TSPAN7: variants seen among roughly 807,000 people sequenced by gnomAD.
TSPAN7 encodes the protein tetraspanin 7, also known as tetraspanin-7.
Under a neutral mutation model 17.6 loss-of-function variants are expected in TSPAN7, and 1 was observed. The observed-to-expected ratio is 0.06, with a 90% CI of 0.02 to 0.27. The LOEUF (loss-of-function observed/expected upper bound fraction) is 0.27. Among genes scored for constraint, TSPAN7 ranks in the 10% least tolerant of loss-of-function variants. The pLI is 1.00. For synonymous variants in TSPAN7, 78 were observed against 79.0 expected, an observed-to-expected ratio of 0.99 and a Z score of 0.07; for missense variants, 112 against 201.7, an observed-to-expected ratio of 0.56 and a Z score of 2.69.
intron 1 of TSPAN7, among the ~76,000 whole-genome samples, chrX:38,615,471 A>G (rs985157468): frequency 1.4e-4 from 16 of 111,694 alleles, no homozygotes; most frequent in African/African-American, 5.2e-4. Context: ...CTTTTCATTT[A>G]AAGGGATTGA....
chrX:38,637,794 T>TG (rs1475815200), intron 1 of TSPAN7, among the ~76,000 whole-genome samples: 1 of 112,768 alleles, frequency 8.9e-6, no homozygotes, highest in Non-Finnish European at 1.9e-5. Context: ...GAAGTGCCTC[T>TG]GGTGTACTTG....
At chrX:38,661,160 T>C (rs951640270) in intron 1 of TSPAN7, among the ~76,000 whole-genome samples, 1 of 112,322 alleles carries the variant, frequency 8.9e-6, no homozygotes, top group African/African-American at 3.2e-5. Context: ...CAGGTTGACC[T>C]GGCAAGAGCA....
chrX:38,652,070 G>T (rs919930845), intron 1 of TSPAN7, among the ~76,000 whole-genome samples: 2 of 111,572 alleles, frequency 1.8e-5, no homozygotes, highest in African/African-American at 6.5e-5. Context: ...TTTCATTGCA[G>T]CCCCATTACA....
chrX:38,668,599 T>C (rs979434751), intron 2 of TSPAN7, among the ~76,000 whole-genome samples: 3 of 112,321 alleles, frequency 2.7e-5, no homozygotes, highest in African/African-American at 9.7e-5. Flanking sequence ...ATCCTCTAGA[T>C]TCATTCATGT....
chrX:38,561,641 C>T lies in TSPAN7; in HGVS notation c.81+14C>T. 1 of 1,190,938 alleles carries T rather than the reference C, an allele frequency of 8.4e-7. No individual in the cohort carries two copies. The highest frequency in any genetic ancestry group is 2.3e-4 in the Middle Eastern group (1 of 4,291). ...TTCGTCTTCTGGGTAAGTGCCCACGCCGGGCCGGTGGCCGAGTCGCTGTCC... is the reference window on the plus strand; with the variant it reads ...TTCGTCTTCTGGGTAAGTGCCCACGTCGGGCCGGTGGCCGAGTCGCTGTCC... On this transcript the variant is annotated intron_variant, in intron 1 of 7. Transcript: ENST00000378482.
intron 2 of TSPAN7, among the ~76,000 whole-genome samples, chrX:38,669,575 C>T (rs944752201): frequency 2.7e-5 from 3 of 112,162 alleles, no homozygotes; most frequent in Admixed American, 9.4e-5. Context: ...GTAGGTAAAA[C>T]GGCCACTCTC....
chrX:38,568,932 GTTCT>G (rs996428204), intron 1 of TSPAN7, among the ~76,000 whole-genome samples: 1 of 110,938 alleles, frequency 9.0e-6, no homozygotes, highest in Non-Finnish European at 1.9e-5. Flanking sequence ...AGGTCTGAAT[GTTCT>G]TTTTTTCTAG....
At chrX:38,653,635 C>T (rs1485651834) in intron 1 of TSPAN7, among the ~76,000 whole-genome samples, 1 of 112,490 alleles carries the variant, frequency 8.9e-6, no homozygotes, top group Non-Finnish European at 1.9e-5. Context: ...TTCTGGTTCA[C>T]GTCGACATAC....
At chrX:38,570,818 A>T (rs1311610628) in intron 1 of TSPAN7, 1 of 111,721 alleles carries the variant, frequency 9.0e-6, no homozygotes, top group Non-Finnish European at 1.9e-5. Context: ...AATGATTTTC[A>T]TTCTTGGCTG....
At chrX:38,616,919 C>T (rs192242494) in intron 1 of TSPAN7, among the ~76,000 whole-genome samples, 1 of 112,180 alleles carries the variant, frequency 8.9e-6, no homozygotes, top group Admixed American at 9.4e-5. Context: ...AATCACCTTC[C>T]AGTGACTCTA....
chrX:38,626,782 G>C (rs751909329), intron 1 of TSPAN7, among the ~76,000 whole-genome samples: 1 of 111,883 alleles, frequency 8.9e-6, no homozygotes, highest in East Asian at 2.8e-4. Flanking sequence ...ATCCTAGAGA[G>C]CATTCAATAA....
chrX:38,650,670 C>G (rs375873746), intron 1 of TSPAN7, among the ~76,000 whole-genome samples: 2 of 112,392 alleles, frequency 1.8e-5, no homozygotes, highest in African/African-American at 6.5e-5. Context: ...TGCTGAGAAG[C>G]CTTAGCTTTC....
intron 1 of TSPAN7, among the ~76,000 whole-genome samples, chrX:38,579,026 GT>G (rs1475449250): frequency 8.9e-6 from 1 of 111,755 alleles, no homozygotes; most frequent in East Asian, 2.8e-4. Flanking sequence ...GTTAACAGCT[GT>G]GGTTGGGTGA....
intron 1 of TSPAN7, among the ~76,000 whole-genome samples, chrX:38,614,267 T>A (rs2147419340): frequency 8.9e-6 from 1 of 112,137 alleles, no homozygotes; most frequent in Admixed American, 9.5e-5. Context: ...CTTCTGACCA[T>A]TTATGGAACA....
chrX:38,647,745 T>C (rs984310670), intron 1 of TSPAN7, among the ~76,000 whole-genome samples: 20 of 94,953 alleles, frequency 2.1e-4, no homozygotes, highest in Non-Finnish European at 1.8e-4. Context: ...ATGGTTTGAT[T>C]ATGGAAGAGT....
intron 1 of TSPAN7, among the ~76,000 whole-genome samples, chrX:38,630,960 T>C (rs2069547226): frequency 8.9e-6 from 1 of 112,440 alleles, no homozygotes; most frequent in African/African-American, 3.2e-5. Context: ...ATACATTTCT[T>C]TGAGTCAAAG....
chrX:38,649,563 C>A (rs1225646714), intron 1 of TSPAN7, among the ~76,000 whole-genome samples: 1 of 111,167 alleles, frequency 9.0e-6, no homozygotes, highest in Non-Finnish European at 1.9e-5. Flanking sequence ...TTGCACCCTC[C>A]TTGTAGGCCC....
At chrX:38,668,568 T>G (rs1009117491) in intron 2 of TSPAN7, among the ~76,000 whole-genome samples, 1 of 112,229 alleles carries the variant, frequency 8.9e-6, no homozygotes, top group Non-Finnish European at 1.9e-5. Flanking sequence ...AGTCTTTTCT[T>G]TCCCTGACTT....
At chrX:38,621,680 T>C (rs2069489266) in intron 1 of TSPAN7, among the ~76,000 whole-genome samples, 1 of 110,415 alleles carries the variant, frequency 9.1e-6, no homozygotes, top group Admixed American at 9.8e-5. Context: ...GGCAGATTCT[T>C]TTTTTTACCA....
Sources: allele counts gnomAD v4.1 joint callset (sites outside exome capture counted in the v4.1 genomes callset), GRCh38; gene constraint gnomAD v4.1.1; transcripts MANE v1.5; gene names NCBI Gene and HGNC (gene_info 2026-07-23, HGNC 2026-07-21).